The following GALNTL6 variants were observed in gnomAD, a reference collection of about 807,000 sequenced individuals.
GALNTL6 encodes polypeptide N-acetylgalactosaminyltransferase like 6.
A neutral mutation model predicts 73.7 loss-of-function variants in GALNTL6; 46 were observed. That is an observed-to-expected ratio of 0.62 (90% CI 0.49 to 0.80). GALNTL6 has a LOEUF of 0.80. Ranked by LOEUF, GALNTL6 falls within the 30% of genes least tolerant of loss-of-function variation. The pLI is 0.00. For missense variants in GALNTL6, 604 were observed against 755.0 expected (o/e 0.80, Z 2.34); for synonymous variants, 259 against 263.7 (o/e 0.98, Z 0.17).
At chr4:172,585,135 T>TG (rs1560821736) in intron 5 of GALNTL6, among the ~76,000 whole-genome samples, 1 of 152,148 alleles carries the variant, frequency 6.6e-6, no homozygotes, top group Non-Finnish European at 1.5e-5. Context: ...TAATGAAGTC[T>TG]GGTGGAGAGG....
chr4:171,888,817 A>C (rs1466492354), intron 2 of GALNTL6, among the ~76,000 whole-genome samples: 2 of 152,160 alleles, frequency 1.3e-5, no homozygotes, highest in Admixed American at 6.6e-5. Context: ...GTGCATATGT[A>C]TCTAGAAAAA....
At chr4:172,610,288 G>A (rs942510927) in intron 5 of GALNTL6, among the ~76,000 whole-genome samples, 5 of 152,038 alleles carry the variant, frequency 3.3e-5, no homozygotes, top group Non-Finnish European at 7.4e-5. Flanking sequence ...AGAGTGTGAT[G>A]TTAGGTTGTT....
At chr4:171,852,518 T>TTATATA (rs35838041) in intron 2 of GALNTL6, among the ~76,000 whole-genome samples, 41 of 149,256 alleles carry the variant, frequency 2.7e-4, no homozygotes, top group Non-Finnish European at 4.6e-4. Flanking sequence ...TTAGCTTTCT[T>TTATATA]TATATATATA....
rs77573070 is a variant in GALNTL6, at chr4:172,925,484, G to A, written c.1042-5677G>A. ...ACATGGTAAAAGAGATTTGGCAAAC[G>A]TAATTATCAATCAGTTCACTTTAAG... On this transcript the variant is annotated intron_variant, in intron 8 of 12. Transcript: ENST00000506823. 8.8e-3 allele frequency among the ~76,000 whole-genome samples: 1,335 copies of A among 152,242 alleles called. 22 individuals carry two copies. The highest frequency in any genetic ancestry group is 0.028 in the African/African-American group (1,183 of 41,538).
intron 2 of GALNTL6, among the ~76,000 whole-genome samples, chr4:172,184,583 T>C (rs1318487580): frequency 6.6e-6 from 1 of 152,196 alleles, no homozygotes; most frequent in African/African-American, 2.4e-5. Context: ...TTTTAGTAAA[T>C]ATTAAAAATA....
chr4:172,489,960 T>C (rs1579122847), intron 5 of GALNTL6, among the ~76,000 whole-genome samples: 1 of 152,124 alleles, frequency 6.6e-6, no homozygotes, highest in Non-Finnish European at 1.5e-5. Context: ...AAAATGTGGG[T>C]AAAAAATCTG....
Position 172,141,026 on chromosome 4 carries a change from C to T in GALNTL6, c.139-88630C>T, listed in dbSNP as rs577002830. On this transcript the variant is annotated intron_variant, in intron 2 of 12. Transcript: ENST00000506823. ...TGTGTCAATTATGTACCATTTATTA[C>T]AAACCTATTCATAATTTTAATTTGA... Among the ~76,000 whole-genome samples, 8 of 152,146 alleles carry T rather than the reference C, an allele frequency of 5.3e-5. No individual in the cohort carries two copies. The South Asian group carries it at 1.7e-3, about 32-fold the overall frequency.
chr4:172,337,134 A>G (rs1741361757), intron 4 of GALNTL6, among the ~76,000 whole-genome samples: 1 of 151,598 alleles, frequency 6.6e-6, no homozygotes, highest in Non-Finnish European at 1.5e-5. Flanking sequence ...TCTTTCTCCA[A>G]CCTTTCACTT....
chr4:171,932,434 G>T (rs78224906), intron 2 of GALNTL6, among the ~76,000 whole-genome samples: 1 of 152,176 alleles, frequency 6.6e-6, no homozygotes, highest in Non-Finnish European at 1.5e-5. Context: ...GTTATCAACT[G>T]TGAACAGCTG....
chr4:172,689,403 C>A (rs1733128073), intron 5 of GALNTL6, among the ~76,000 whole-genome samples: 2 of 152,134 alleles, frequency 1.3e-5, no homozygotes, highest in African/African-American at 4.8e-5. Flanking sequence ...CCAACTACAT[C>A]AGAGGATTAT....
chr4:172,701,634 G>A (rs916606810), intron 5 of GALNTL6, among the ~76,000 whole-genome samples: 1 of 151,998 alleles, frequency 6.6e-6, no homozygotes, highest in Admixed American at 6.6e-5. Flanking sequence ...GTTATAATCG[G>A]AATAGGACCT....
At chr4:172,343,892 G>T (rs1741654210) in intron 4 of GALNTL6, among the ~76,000 whole-genome samples, 1 of 151,730 alleles carries the variant, frequency 6.6e-6, no homozygotes, top group Non-Finnish European at 1.5e-5. Context: ...TTTAAAATTT[G>T]AAGAATTAGT....
chr4:172,632,682 G>C (rs974482767), intron 5 of GALNTL6, among the ~76,000 whole-genome samples: 7 of 152,168 alleles, frequency 4.6e-5, no homozygotes, highest in African/African-American at 1.7e-4. Context: ...GTAACAAGGA[G>C]CCAAATGTTA....
Position 172,149,615 on chromosome 4 carries a change from C to T in GALNTL6, c.139-80041C>T, listed in dbSNP as rs147009637. ...GCTGCCACCGCCGAGCCCTGGTTTTCGCCCAAGTCACCGGGGGATGCTTCC... is the reference window on the plus strand; with the variant it reads ...GCTGCCACCGCCGAGCCCTGGTTTTTGCCCAAGTCACCGGGGGATGCTTCC... On this transcript the variant is annotated intron_variant, in intron 2 of 12. Coordinates refer to ENST00000506823, the MANE Select transcript of GALNTL6 (RefSeq NM_001034845.3). 1.7e-3 allele frequency among the ~76,000 whole-genome samples: 263 copies of T among 152,224 alleles called. 1 individual carries two copies. Among genetic ancestry groups the T allele is most frequent in the African/African-American group, 5.7e-3 (236 of 41,546 alleles).
intron 3 of GALNTL6, among the ~76,000 whole-genome samples, chr4:172,288,223 TG>T (rs1326906127): frequency 2.0e-5 from 3 of 152,112 alleles, no homozygotes; most frequent in Admixed American, 2.0e-4. Flanking sequence ...CCTGAGTAGC[TG>T]GGACTACAGG....
intron 2 of GALNTL6, among the ~76,000 whole-genome samples, chr4:171,957,162 G>T (rs980199633): frequency 6.6e-6 from 1 of 152,130 alleles, no homozygotes; most frequent in Non-Finnish European, 1.5e-5. Context: ...GAACAGACAA[G>T]GTCTAACCTC....
chr4:172,737,531 T>A (rs970201879), intron 5 of GALNTL6, among the ~76,000 whole-genome samples: 6 of 152,230 alleles, frequency 3.9e-5, no homozygotes, highest in Admixed American at 3.9e-4. Context: ...TTCTATATTA[T>A]CTTGGAGATC....
chr4:172,676,626 A>AG (rs898680874), intron 5 of GALNTL6, among the ~76,000 whole-genome samples: 28 of 152,330 alleles, frequency 1.8e-4, no homozygotes, highest in African/African-American at 6.5e-4. Flanking sequence ...GGTTAGACAT[A>AG]TATTACTCCA....
At chr4:172,066,501 C>A in intron 2 of GALNTL6, among the ~76,000 whole-genome samples, 1 of 134,264 alleles carries the variant, frequency 7.4e-6, no homozygotes, top group African/African-American at 2.6e-5. Context: ...TAGCTTATAT[C>A]TTTACTGAAT....
Sources: allele counts gnomAD v4.1 joint callset (sites outside exome capture counted in the v4.1 genomes callset), GRCh38; gene constraint gnomAD v4.1.1; transcripts MANE v1.5; gene names NCBI Gene and HGNC (gene_info 2026-07-23, HGNC 2026-07-21).